RAD23A: variants seen among roughly 807,000 people sequenced by gnomAD.
RAD23A encodes lysine-specific demethylase RAD23A.
Under a neutral mutation model 44.8 loss-of-function variants are expected in RAD23A, and 16 were observed. The observed-to-expected ratio is 0.36, with a 90% CI of 0.24 to 0.54. The LOEUF (loss-of-function observed/expected upper bound fraction) is 0.54. Among genes scored for constraint, RAD23A ranks in the 20% least tolerant of loss-of-function variants. RAD23A has a pLI of 0.89. For synonymous variants in RAD23A, 217 were observed against 202.9 expected, an observed-to-expected ratio of 1.07 and a Z score of -0.59; for missense variants, 380 against 483.3, an observed-to-expected ratio of 0.79 and a Z score of 2.00.
chr19:12,947,440 T>C (rs1048343265), intron 1 of RAD23A, among the ~76,000 whole-genome samples: 5 of 152,202 alleles, frequency 3.3e-5, no homozygotes, highest in African/African-American at 1.2e-4. Flanking sequence ...TTAAAAAATA[T>C]CACTATTAAC....
chr19:12,947,639 A>G (rs909811335), intron 1 of RAD23A, among the ~76,000 whole-genome samples: 3 of 152,248 alleles, frequency 2.0e-5, no homozygotes, highest in Non-Finnish European at 4.4e-5. Flanking sequence ...CACCTGGCAC[A>G]TAATGGGTGT....
At position 12,949,257 on chromosome 19, in the gene RAD23A, A is replaced by G; in HGVS notation, c.680-18A>G. 6.2e-7 allele frequency: 1 copy of G among 1,613,832 alleles called. No homozygotes were observed. The highest frequency in any genetic ancestry group is 8.5e-7 in the Non-Finnish European group (1 of 1,179,824). ...GGAGCCCGGCGTGGTGTCTGACTGC[A>G]CCCCTTCCTACTACCAGCAGGAGAG... On this transcript the variant is annotated intron_variant, in intron 6 of 8. Transcript: ENST00000586534.
At chr19:12,950,041 A>G (rs987784752) in intron 7 of RAD23A, among the ~76,000 whole-genome samples, 5 of 151,414 alleles carry the variant, frequency 3.3e-5, no homozygotes, top group Admixed American at 6.6e-5. Flanking sequence ...GCCCTCCCTC[A>G]TAGTGTCCTG....
Position 12,949,272 on chromosome 19 carries a change from C to T in RAD23A, c.680-3C>T, listed in dbSNP as rs1202314994. 6.2e-7 allele frequency: 1 copy of T among 1,614,066 alleles called. No individual in the cohort carries two copies. Among genetic ancestry groups the T allele is most frequent in the Non-Finnish European group, 8.5e-7 (1 of 1,179,936 alleles). On this transcript the variant is annotated splice_polypyrimidine_tract_variant and splice_region_variant and intron_variant, in intron 6 of 8. Transcript: ENST00000586534. ...GTCTGACTGCACCCCTTCCTACTAC[C>T]AGCAGGAGAGAACCCCCTGGAGTTC...
intron 7 of RAD23A, among the ~76,000 whole-genome samples, chr19:12,950,411 CT>C (rs890518909): frequency 6.1e-4 from 90 of 147,028 alleles, no homozygotes; most frequent in Non-Finnish European, 8.0e-4. Context: ...ACTTTCTTTT[CT>C]TTTTTTTTTT....
At chr19:12,949,456 C>T in intron 7 of RAD23A, 48 bp downstream of exon 7, 1 of 1,595,508 alleles carries the variant, frequency 6.3e-7, no homozygotes, top group Middle Eastern at 1.7e-4. Context: ...CATTTCCCTT[C>T]CCTGTGGGCA....
intron 7 of RAD23A, 171 bp from the exon 8 acceptor site, chr19:12,952,518 T>C: frequency 4.0e-6 from 3 of 745,218 alleles, no homozygotes; most frequent in Non-Finnish European, 6.4e-6. Flanking sequence ...TAAAAGCACA[T>C]CATCAGCTCT....
In RAD23A at chr19:12,947,841, C is replaced by T. The variant is rs371486559; in HGVS notation, c.73-7C>T. 8.4e-5 allele frequency: 136 copies of T among 1,613,036 alleles called. No homozygotes were observed. In the African/African-American group the frequency reaches 1.1e-3, roughly 14 times the overall value. ...TCTCCAGTGACTGTCTGTACCACTCCCTCTAGGTGAAGGTGCTAAAGGAGA... is the reference window on the plus strand; with the variant it reads ...TCTCCAGTGACTGTCTGTACCACTCTCTCTAGGTGAAGGTGCTAAAGGAGA... On this transcript the variant is annotated splice_polypyrimidine_tract_variant and splice_region_variant and intron_variant, in intron 1 of 8. Transcript: ENST00000586534.
chr19:12,947,187 C>T (rs542593801), intron 1 of RAD23A, among the ~76,000 whole-genome samples: 1 of 152,118 alleles, frequency 6.6e-6, no homozygotes, highest in South Asian at 2.1e-4. Flanking sequence ...ATTTGGGAGG[C>T]AGAGGCAGGA....
At position 12,953,233 on chromosome 19, in the gene RAD23A, G is replaced by C. The variant is rs934085693; in HGVS notation, c.*184G>C. 2.2e-6 allele frequency: 1 copy of C among 449,676 alleles called. No individual in the cohort carries two copies. Among genetic ancestry groups the C allele is most frequent in the African/African-American group, 2.1e-5 (1 of 48,584 alleles). The allele number at this position is 449,676 out of a possible 1,614,324, so 27.9% of individuals were successfully genotyped here. On this transcript the variant is annotated 3_prime_UTR_variant, in exon 9 of 9. Transcript: ENST00000586534. ...AAAGTGGCCCCTGTTCCCATCTCCC[G>C]GGCCAGACAGCTGTCCCCCCGTCCT... is the stretch of plus-strand genomic sequence containing the variant.
rs755477452 is a variant in RAD23A at position 12,953,052 on chromosome 19, C to A, written c.*3C>A. On this transcript the variant is annotated 3_prime_UTR_variant, in exon 9 of 9. Transcript: ENST00000586534. ...GTCAGAACTTTGATGACGAGTGATG[C>A]CAGGAAGCCAGGCCACCGAAGCCCC... The A allele has an allele frequency of 1.9e-6, 3 of 1,611,576 alleles. No individual in the cohort carries two copies. The African/African-American group carries it at 4.0e-5, about 22-fold the overall frequency.
In RAD23A at chr19:12,952,852, G is replaced by C; in HGVS notation, c.977G>C (p.Arg326Thr). The change falls in exon 8 of 9, where the codon AGG becomes ACG. Residue 326 changes from arginine to threonine, a missense_variant and splice_region_variant. This residue lies in a region of RAD23A where 31 missense variants were observed against 63.6 expected (regional missense o/e 0.49). Coordinates refer to ENST00000586534, the MANE Select transcript of RAD23A (RefSeq NM_005053.4). ...CCGCAGGAGAAAGAAGCTATAGAGA[G>C]GGTAAGAGGCCTGGCTGAGGGGTGA... ...VTPQEKEAIE[R>T]LKALGFPESL... The C allele has an allele frequency of 1.2e-6, 2 of 1,603,386 alleles. No homozygotes were observed. The highest frequency in any genetic ancestry group is 1.7e-6 in the Non-Finnish European group (2 of 1,173,646).
chr19:12,953,254 GTCC>G lies in RAD23A; in HGVS notation c.*212_*214del, dbSNP rs1186016615. ...TCCCGGGCCAGACAGCTGTCCCCCC[GTCC>G]TCCTCCCCAGCCCAGCCTGCTCAGA... is the stretch of plus-strand genomic sequence containing the variant. On this transcript the variant is annotated 3_prime_UTR_variant, in exon 9 of 9. Transcript: ENST00000586534. 1 of 417,598 alleles carries G rather than the reference GTCC, an allele frequency of 2.4e-6. No individual in the cohort carries two copies. Among genetic ancestry groups the G allele is most frequent in the Non-Finnish European group, 4.1e-6 (1 of 241,324 alleles). The allele number at this position is 417,598 out of a possible 1,614,324, so 25.9% of individuals were successfully genotyped here.
intron 7 of RAD23A, among the ~76,000 whole-genome samples, chr19:12,951,757 G>A (rs940195103): frequency 6.6e-6 from 1 of 152,088 alleles, no homozygotes; most frequent in Non-Finnish European, 1.5e-5. Flanking sequence ...CATTCACTCT[G>A]TTCCTGCTTC....
Position 12,952,710 on chromosome 19 carries a change from C to T in RAD23A, c.835C>T (p.Gln279Ter). 6.2e-7 allele frequency: 1 copy of T among 1,611,182 alleles called. No individual in the cohort carries two copies. The highest frequency in any genetic ancestry group is 8.5e-7 in the Non-Finnish European group (1 of 1,178,888). Residue 279 changes from glutamine to a stop codon, truncating the protein, a stop_gained, in exon 8 of 9, where the codon CAG becomes TAG. Coordinates refer to ENST00000586534, the MANE Select transcript of RAD23A (RefSeq NM_005053.4). LOFTEE classifies it high-confidence loss of function. ...GCAGCAAATCAGCCGGCACCAGGAG[C>T]AGTTCATCCAGATGCTGAACGAGCC... Reference protein sequence around the residue: ...LLQQISRHQEQFIQMLNEPPG... With the variant: ...LLQQISRHQE
chr19:12,946,074 T>TGGGGGGGGGG, intron 1 of RAD23A, 54 bp downstream of exon 1: 1 of 131,766 alleles, frequency 7.6e-6, no homozygotes, highest in East Asian at 1.3e-4. Context: ...GGGGGTGGGG[T>TGGGGGGGGGG]GGGGGCGGGG....
rs1218017273 is a variant in RAD23A, at chr19:12,949,087, C to T, written c.607C>T (p.Pro203Ser). The change falls in exon 6 of 9, where the codon CCT (proline) becomes TCT (serine). Residue 203 changes from proline (P) to serine (S), a missense_variant. Coordinates refer to ENST00000586534, the MANE Select transcript of RAD23A (RefSeq NM_005053.4). ...RAVEYLLTGI[P>S]GSPEPEHGSV... ...TAAACAGGACCCCTGACAGGGAATT[C>T]CTGGGAGCCCCGAGCCGGAACACGG... The T allele has an allele frequency of 6.2e-7, 1 of 1,612,294 alleles. No homozygotes were observed. Among genetic ancestry groups the T allele is most frequent in the African/African-American group, 1.3e-5 (1 of 75,000 alleles).
intron 7 of RAD23A, 169 bp from the exon 8 acceptor site, chr19:12,952,520 A>C: frequency 1.3e-6 from 1 of 759,772 alleles, no homozygotes; most frequent in Non-Finnish European, 2.1e-6. Flanking sequence ...AAAGCACATC[A>C]TCAGCTCTTC....
intron 8 of RAD23A, 22 bp from the exon 9 acceptor site, chr19:12,952,914 C>T (rs1438944935): frequency 1.9e-6 from 3 of 1,613,344 alleles, no homozygotes; most frequent in East Asian, 2.2e-5. Context: ...CTCCTGCTCA[C>T]ACTTAACCTA....
Sources: allele counts gnomAD v4.1 joint callset (sites outside exome capture counted in the v4.1 genomes callset), GRCh38; gene constraint gnomAD v4.1.1; regional missense constraint gnomAD v4.1.1; transcripts MANE v1.5; gene names NCBI Gene and HGNC (gene_info 2026-07-23, HGNC 2026-07-21).